TBL1Y: variants seen among roughly 807,000 people sequenced by gnomAD.
TBL1Y encodes the protein F-box-like/WD repeat-containing protein TBL1Y.
TBL1Y carries 15 observed loss-of-function variants against 12.0 expected under a neutral mutation model. The observed-to-expected ratio is 1.25, with a 90% CI of 0.83 to 1.92. The LOEUF (loss-of-function observed/expected upper bound fraction) is 1.92, where lower values mean the gene tolerates loss of function less well. TBL1Y is among the 40% of genes most tolerant of loss of function. TBL1Y has a pLI of 0.00. For missense variants in TBL1Y, 148 were observed against 116.7 expected (o/e 1.27, Z -1.24); for synonymous variants, 53 against 42.6 (o/e 1.24, Z -0.95).
At position 7,070,244 on chromosome Y, in the gene TBL1Y, C is replaced by T. The variant is rs1489844841; in HGVS notation, c.506C>T (p.Pro169Leu). Residue 169 changes from proline to leucine, a missense_variant, in exon 9 of 19, where the codon CCC (proline) becomes CTC (leucine). Physicochemically the swap from Pro to Leu is moderately conservative, Grantham distance 98. Coordinates refer to ENST00000383032, the MANE Select transcript of TBL1Y (RefSeq NM_033284.2). ...ATAGATGGGGATGTTGAGATTCCAC[C>T]CAACAAAGCCACAGTCCTTCGGGGC... ...MEIDGDVEIP[P>L]NKATVLRGHE... is the part of the protein sequence containing the mutation. 2.5e-6 allele frequency: 1 copy of T among 396,564 alleles called. No homozygotes were observed.
At chrY:6,996,998 T>A (rs2012415189) in intron 4 of TBL1Y, among the ~76,000 whole-genome samples, 68 of 33,632 alleles carry the variant, frequency 2.0e-3, no homozygotes, top group Non-Finnish European at 3.7e-4. Context: ...AGGAAAAAAA[T>A]TTAAATTCTG....
chrY:6,966,286 C>A, intron 2 of TBL1Y, among the ~76,000 whole-genome samples: 1 of 32,360 alleles, frequency 3.1e-5, no homozygotes, highest in Admixed American at 2.8e-4. Context: ...AACTCCTGAC[C>A]TCAGGTGATC....
chrY:6,954,186 T>G, intron 2 of TBL1Y, among the ~76,000 whole-genome samples: 1 of 33,982 alleles, frequency 2.9e-5, no homozygotes, highest in Non-Finnish European at 7.3e-5. Context: ...GGAGAACCAC[T>G]GCTCTCTTCA....
intron 4 of TBL1Y, among the ~76,000 whole-genome samples, chrY:7,015,602 G>T: frequency 2.9e-5 from 1 of 33,931 alleles, no homozygotes; most frequent in East Asian, 7.9e-4. Context: ...ATTTAACAGA[G>T]ACGAGGTTTT....
At chrY:6,938,556 TA>T (rs2011920216) in intron 2 of TBL1Y, among the ~76,000 whole-genome samples, 5 of 33,771 alleles carry the variant, frequency 1.5e-4, no homozygotes, top group African/African-American at 4.6e-4. Context: ...CATAGGCACA[TA>T]TCACTCAGAC....
intron 6 of TBL1Y, among the ~76,000 whole-genome samples, chrY:7,033,883 G>A: frequency 3.0e-5 from 1 of 33,293 alleles, no homozygotes; most frequent in Non-Finnish European, 7.4e-5. Context: ...CATACTGAAT[G>A]GGCAAAAACT....
At chrY:7,080,494 G>A (rs957549416) in intron 13 of TBL1Y, among the ~76,000 whole-genome samples, 2 of 32,771 alleles carry the variant, frequency 6.1e-5, no homozygotes, top group South Asian at 1.4e-3. Context: ...AGGCTGAGGC[G>A]GGAGGATTCC....
chrY:6,980,947 A>G (rs2012277793), intron 3 of TBL1Y, among the ~76,000 whole-genome samples: 1 of 33,899 alleles, frequency 2.9e-5, no homozygotes, highest in African/African-American at 1.2e-4. Flanking sequence ...CACATTTTGA[A>G]TGTTCAGTAG....
At chrY:7,062,949 C>A in intron 7 of TBL1Y, among the ~76,000 whole-genome samples, 3 of 34,007 alleles carry the variant, frequency 8.8e-5, no homozygotes, top group Non-Finnish European at 2.2e-4. Context: ...GCTTTTCTTT[C>A]CCTGGTCTGT....
At chrY:7,026,702 T>G in intron 6 of TBL1Y, among the ~76,000 whole-genome samples, 1 of 33,726 alleles carries the variant, frequency 3.0e-5, no homozygotes, top group Non-Finnish European at 7.3e-5. Flanking sequence ...AGAAAGATCG[T>G]CTTCCTTATT....
At chrY:7,046,268 G>C (rs887204716) in intron 7 of TBL1Y, among the ~76,000 whole-genome samples, 1 of 32,964 alleles carries the variant, frequency 3.0e-5, no homozygotes, top group Non-Finnish European at 7.4e-5. Flanking sequence ...CCAAGACGTT[G>C]GAGTATGTTC....
At chrY:7,089,818 T>C (rs2013163783) in intron 17 of TBL1Y, among the ~76,000 whole-genome samples, 1 of 32,647 alleles carries the variant, frequency 3.1e-5, no homozygotes, top group Non-Finnish European at 7.5e-5. Flanking sequence ...CCATCAGTCC[T>C]CGCTGGGCAC....
intron 2 of TBL1Y, among the ~76,000 whole-genome samples, chrY:6,974,745 A>G (rs2012227408): frequency 5.9e-5 from 2 of 34,072 alleles, no homozygotes; most frequent in Non-Finnish European, 1.5e-4. Flanking sequence ...GTATTTTGCC[A>G]TGTTACTTGC....
chrY:6,975,492 C>T (rs1001147703), intron 2 of TBL1Y, among the ~76,000 whole-genome samples: 3 of 32,895 alleles, frequency 9.1e-5, no homozygotes, highest in African/African-American at 3.6e-4. Context: ...TTTTCCTTAG[C>T]GGGGAGATAA....
chrY:6,930,793 A>C (rs1381133473), intron 2 of TBL1Y, among the ~76,000 whole-genome samples: 3 of 32,875 alleles, frequency 9.1e-5, no homozygotes, highest in Non-Finnish European at 2.2e-4. Flanking sequence ...GGGGAATAAA[A>C]CCTGGCCACC....
intron 2 of TBL1Y, among the ~76,000 whole-genome samples, chrY:6,958,047 G>A: frequency 3.0e-5 from 1 of 33,729 alleles, no homozygotes; most frequent in Non-Finnish European, 7.3e-5. Context: ...TATAACAAAG[G>A]CATTGCAAAG....
rs2013175644 is a variant in TBL1Y, at chrY:7,091,516, A to G, written c.*24A>G. On this transcript the variant is annotated 3_prime_UTR_variant, in exon 19 of 19. Coordinates refer to ENST00000383032, the MANE Select transcript of TBL1Y (RefSeq NM_033284.2). ...GAAAGTAAACACAAAATATAGAAAA[A>G]AAGAAAAGAATTCTAATGACCTGCC... is the stretch of plus-strand genomic sequence containing the variant. The G allele has an allele frequency of 2.7e-6, 1 of 364,310 alleles. No homozygotes were observed. The highest frequency in any genetic ancestry group is 3.8e-6 in the Non-Finnish European group (1 of 261,567). The allele number at this position is 364,310 out of a possible 400,897, so 90.9% of individuals were successfully genotyped here.
At chrY:7,024,701 C>T in intron 5 of TBL1Y, among the ~76,000 whole-genome samples, 2 of 31,591 alleles carry the variant, frequency 6.3e-5, no homozygotes, top group Non-Finnish European at 1.5e-4. Flanking sequence ...AAATTTTTTT[C>T]CCATTCTATA....
chrY:6,940,488 A>T, intron 2 of TBL1Y, among the ~76,000 whole-genome samples: 1 of 31,944 alleles, frequency 3.1e-5, no homozygotes, highest in Non-Finnish European at 7.6e-5. Context: ...GGCATGCACC[A>T]CCATGCCTGC....
Sources: gnomAD v4.1 joint callset for allele counts (sites outside exome capture counted in the v4.1 genomes callset) on GRCh38, gnomAD v4.1.1 for gene constraint, MANE v1.5 for transcripts, NCBI Gene and HGNC (gene_info 2026-07-23, HGNC 2026-07-21) for gene names.